Variants in ADGRB3 observed in about 807,000 individuals in gnomAD.
The protein encoded by ADGRB3 is adhesion G protein-coupled receptor B3.
A neutral mutation model predicts 193.4 loss-of-function variants in ADGRB3; 37 were observed. The observed-to-expected ratio is 0.19, with a 90% CI of 0.15 to 0.25. ADGRB3 has a LOEUF of 0.25. Ranked by LOEUF, ADGRB3 falls within the 10% of genes least tolerant of loss-of-function variation. ADGRB3 has a pLI of 1.00. For synonymous variants in ADGRB3, 690 were observed against 644.2 expected (o/e 1.07, Z -1.08); for missense variants, 1,637 against 1,852.9 (o/e 0.88, Z 2.14).
chr6:69,258,139 C>T (rs542041692), intron 20 of ADGRB3, among the ~76,000 whole-genome samples: 2 of 151,792 alleles, frequency 1.3e-5, no homozygotes, highest in East Asian at 1.9e-4. Flanking sequence ...AAATGGTATT[C>T]GCAGAGAAGG....
chr6:69,332,171 C>G, intron 23 of ADGRB3: 1 of 985,282 alleles, frequency 1.0e-6, no homozygotes, highest in Non-Finnish European at 1.2e-6. Context: ...TAAGCTGGTA[C>G]AAATAGACAT....
intron 20 of ADGRB3, among the ~76,000 whole-genome samples, chr6:69,269,671 G>A (rs1767130645): frequency 6.6e-6 from 1 of 152,032 alleles, no homozygotes; most frequent in African/African-American, 2.4e-5. Context: ...GCAATAATTA[G>A]TTTATAATAT....
intron 17 of ADGRB3, among the ~76,000 whole-genome samples, chr6:69,118,732 G>T (rs1184340963): frequency 1.6e-5 from 2 of 124,362 alleles, no homozygotes; most frequent in Admixed American, 1.9e-4. Flanking sequence ...AACATAAAAA[G>T]AAGCCACTGC....
intron 12 of ADGRB3, 111 bp from the exon 13 acceptor site, chr6:69,018,280 G>T (rs1582397332): frequency 2.5e-5 from 15 of 591,468 alleles, no homozygotes; most frequent in Non-Finnish European, 5.7e-6. Flanking sequence ...AGATTTTTTT[G>T]AAGTGAAACA....
At chr6:68,898,354 G>C (rs898307722) in intron 3 of ADGRB3, among the ~76,000 whole-genome samples, 2 of 152,088 alleles carry the variant, frequency 1.3e-5, no homozygotes, top group South Asian at 2.1e-4. Context: ...ATGCCCACTC[G>C]AATTGGTGAG....
intron 3 of ADGRB3, among the ~76,000 whole-genome samples, chr6:68,789,058 G>C (rs917923384): frequency 1.2e-4 from 18 of 152,044 alleles, no homozygotes; most frequent in Non-Finnish European, 2.6e-4. Flanking sequence ...CTCTGCACGT[G>C]AGATGGGTTT....
chr6:69,105,107 C>T (rs1773172385), intron 17 of ADGRB3, among the ~76,000 whole-genome samples: 1 of 152,126 alleles, frequency 6.6e-6, no homozygotes, highest in Non-Finnish European at 1.5e-5. Context: ...AACTTGTGCT[C>T]CACAAACTCT....
At chr6:68,778,503 A>G (rs912993186) in intron 3 of ADGRB3, among the ~76,000 whole-genome samples, 3 of 152,132 alleles carry the variant, frequency 2.0e-5, no homozygotes, top group Admixed American at 1.3e-4. Flanking sequence ...TATAACCACA[A>G]ACTTGAACAC....
chr6:69,099,112 G>T (rs537907306), intron 17 of ADGRB3, among the ~76,000 whole-genome samples: 7 of 152,174 alleles, frequency 4.6e-5, no homozygotes, highest in Non-Finnish European at 8.8e-5. Flanking sequence ...GACATTTTTG[G>T]TTGTCACCAC....
chr6:68,665,175 C>T (rs925371466), intron 3 of ADGRB3, among the ~76,000 whole-genome samples: 6 of 151,292 alleles, frequency 4.0e-5, no homozygotes, highest in African/African-American at 9.7e-5. Flanking sequence ...TGTAGGTTCT[C>T]GGTGCTCTAC....
intron 17 of ADGRB3, among the ~76,000 whole-genome samples, chr6:69,116,959 T>C (rs1773549597): frequency 1.3e-5 from 2 of 152,230 alleles, no homozygotes; most frequent in African/African-American, 2.4e-5. Flanking sequence ...GATACCCCTT[T>C]CTTCCAGCTA....
At chr6:68,676,576 C>T (rs1427701849) in intron 3 of ADGRB3, among the ~76,000 whole-genome samples, 3 of 152,076 alleles carry the variant, frequency 2.0e-5, no homozygotes, top group Admixed American at 6.6e-5. Context: ...GTTTAAGCGA[C>T]TATGTTGTGA....
chr6:69,030,236 C>A (rs1479810593), intron 13 of ADGRB3, among the ~76,000 whole-genome samples: 1 of 152,112 alleles, frequency 6.6e-6, no homozygotes, highest in East Asian at 1.9e-4. Flanking sequence ...ACCAGAAATA[C>A]CACTTGACCC....
chr6:68,736,687 T>G (rs1197869961), intron 3 of ADGRB3, among the ~76,000 whole-genome samples: 1 of 152,144 alleles, frequency 6.6e-6, no homozygotes, highest in Non-Finnish European at 1.5e-5. Context: ...AAAAATAAAA[T>G]GCTAAATATT....
chr6:68,856,829 A>G (rs1234465064), intron 3 of ADGRB3, among the ~76,000 whole-genome samples: 2 of 152,236 alleles, frequency 1.3e-5, no homozygotes, highest in Admixed American at 1.3e-4. Context: ...AGGTCTTGAC[A>G]GCAGCCCTTC....
chr6:69,314,567 C>T (rs572289598), intron 20 of ADGRB3, among the ~76,000 whole-genome samples: 39 of 151,522 alleles, frequency 2.6e-4, no homozygotes, highest in Non-Finnish European at 5.0e-4. Flanking sequence ...TTGTGCCATA[C>T]CTTGTAAGCA....
intron 3 of ADGRB3, among the ~76,000 whole-genome samples, chr6:68,779,230 A>ATATG: frequency 6.9e-6 from 1 of 144,490 alleles, no homozygotes; most frequent in East Asian, 2.1e-4. Flanking sequence ...TGTATATATT[A>ATATG]TGTGTGTGTG....
intron 3 of ADGRB3, among the ~76,000 whole-genome samples, chr6:68,878,209 A>G (rs1368171063): frequency 1.3e-5 from 2 of 151,954 alleles, no homozygotes; most frequent in South Asian, 2.1e-4. Flanking sequence ...AAATGTTCCA[A>G]TATTTTTATC....
chr6:69,273,032 C>T (rs571197390), intron 20 of ADGRB3, among the ~76,000 whole-genome samples: 2 of 152,294 alleles, frequency 1.3e-5, no homozygotes, highest in South Asian at 4.1e-4. Flanking sequence ...TCCCGAGTAG[C>T]TGAGACCACA....
Sources: gnomAD v4.1 joint callset for allele counts (sites outside exome capture counted in the v4.1 genomes callset) on GRCh38, gnomAD v4.1.1 for gene constraint, MANE v1.5 for transcripts, NCBI Gene and HGNC (gene_info 2026-07-23, HGNC 2026-07-21) for gene names.